The following USP45 variants were observed in gnomAD, a reference collection of about 807,000 sequenced individuals.
USP45 encodes ubiquitin specific peptidase 45.
USP45 carries 89 observed loss-of-function variants against 95.8 expected under a neutral mutation model. The ratio of observed to expected loss-of-function variants is 0.93; its 90% confidence interval spans 0.78 to 1.11. The LOEUF (loss-of-function observed/expected upper bound fraction) is 1.11, where lower values mean the gene tolerates loss of function less well. Ranked by LOEUF, USP45 falls within the 50% of genes least tolerant of loss-of-function variation. The pLI is 0.00. For missense variants in USP45, 898 were observed against 942.5 expected (o/e 0.95, Z 0.62); for synonymous variants, 281 against 316.2 (o/e 0.89, Z 1.18).
Position 99,476,106 on chromosome 6 carries a change from T to C in USP45, c.933+37A>G, listed in dbSNP as rs371882935. On this transcript the variant is annotated intron_variant, in intron 9 of 17. Coordinates refer to ENST00000500704, the MANE Select transcript of USP45 (RefSeq NM_001346022.3). ...AATCCCTTAGTTTTGTATCCTCTTC[T>C]TGAAGAGAATACATGATATACATAA... 1.1e-5 allele frequency: 18 copies of C among 1,572,340 alleles called. No homozygotes were observed. In the African/African-American group the frequency reaches 2.4e-4, roughly 21 times the overall value.
chr6:99,505,973 C>T (rs1412820607), intron 4 of USP45, among the ~76,000 whole-genome samples: 1 of 152,168 alleles, frequency 6.6e-6, no homozygotes, highest in East Asian at 1.9e-4. Flanking sequence ...GGTTCCAATG[C>T]ATCATTTATA....
intron 13 of USP45, among the ~76,000 whole-genome samples, chr6:99,454,401 A>G (rs1216767730): frequency 6.6e-6 from 1 of 152,190 alleles, no homozygotes; most frequent in Non-Finnish European, 1.5e-5. Context: ...TAGTCTAGGT[A>G]ATGATTTTAT....
chr6:99,481,044 T>C (rs996560496), intron 8 of USP45, among the ~76,000 whole-genome samples: 3 of 152,076 alleles, frequency 2.0e-5, no homozygotes, highest in African/African-American at 7.2e-5. Flanking sequence ...AATTCGACTA[T>C]GATTGGGCCA....
intron 6 of USP45, 87 bp downstream of exon 6, chr6:99,488,594 A>T: frequency 7.4e-7 from 1 of 1,355,012 alleles, no homozygotes; most frequent in Non-Finnish European, 1.0e-6. Flanking sequence ...AACATTTAGC[A>T]GTCATTTGAC....
intron 13 of USP45, 76 bp downstream of exon 13, chr6:99,464,528 T>G: frequency 6.7e-7 from 1 of 1,483,308 alleles, no homozygotes; most frequent in Non-Finnish European, 9.0e-7. Context: ...CTATGTTCTC[T>G]ACTTTTAGAT....
intron 8 of USP45, among the ~76,000 whole-genome samples, chr6:99,477,394 C>A (rs1206243980): frequency 1.3e-5 from 2 of 152,146 alleles, no homozygotes; most frequent in South Asian, 4.1e-4. Flanking sequence ...ACCTCCGCCT[C>A]CTGGGTTCAA....
chr6:99,481,916 GT>G (rs900125493), intron 8 of USP45, among the ~76,000 whole-genome samples: 2 of 152,090 alleles, frequency 1.3e-5, no homozygotes, highest in East Asian at 1.9e-4. Context: ...AATTTTGCAG[GT>G]TTTTTTGGTC....
At chr6:99,514,324 C>T (rs1800629239) in intron 1 of USP45, among the ~76,000 whole-genome samples, 3 of 152,120 alleles carry the variant, frequency 2.0e-5, no homozygotes, top group Admixed American at 2.0e-4. Flanking sequence ...GCAGGGAAGC[C>T]CATTAAAGAC....
chr6:99,467,954 A>C, intron 10 of USP45: 1 of 228,232 alleles, frequency 4.4e-6, no homozygotes, highest in South Asian at 5.6e-5. Flanking sequence ...CAGAATATAC[A>C]TTTAGGGCAA....
At chr6:99,449,930 A>G (rs1783472936) in intron 13 of USP45, among the ~76,000 whole-genome samples, 1 of 152,344 alleles carries the variant, frequency 6.6e-6, no homozygotes, top group South Asian at 2.1e-4. Flanking sequence ...CTGAATGACT[A>G]CTGGTTACAT....
intron 8 of USP45, among the ~76,000 whole-genome samples, chr6:99,479,601 C>CAAAAAAAAAAA (rs34635892): frequency 2.3e-4 from 27 of 116,878 alleles, no homozygotes; most frequent in East Asian, 4.9e-4. Context: ...TTCCAACAGA[C>CAAAAAAAAAAA]AAAAAAAAAA....
intron 10 of USP45, 95 bp downstream of exon 10, chr6:99,468,442 T>G (rs1038896017): frequency 6.2e-5 from 50 of 811,500 alleles, no homozygotes; most frequent in Non-Finnish European, 9.1e-5. Flanking sequence ...ACTACTTTGG[T>G]GGATTAGTTC....
At position 99,446,450 on chromosome 6, in the gene USP45, T is replaced by A. The variant is rs992967299; in HGVS notation, c.1322A>T (p.His441Leu). 7.4e-6 allele frequency: 12 copies of A among 1,611,838 alleles called. No homozygotes were observed. Among genetic ancestry groups the A allele is most frequent in the Non-Finnish European group, 8.5e-7 (1 of 1,179,408 alleles). Residue 441 changes from histidine to leucine, a missense_variant, in exon 14 of 18, where the codon CAT becomes CTT. By Grantham distance (99) the His-to-Leu change is moderately conservative. Coordinates refer to ENST00000500704, the MANE Select transcript of USP45 (RefSeq NM_001346022.3). ...CAATTTTCTAATACATTTTCGGTCA[T>A]GAATTAGTTGACTCTGTAAGTTGAC... ...SSSKDKSQLIHDRKCIRKLSS... is the reference protein window; with the variant it reads ...SSSKDKSQLILDRKCIRKLSS...
chr6:99,474,126 G>T (rs1242771737), intron 9 of USP45, among the ~76,000 whole-genome samples: 1 of 152,134 alleles, frequency 6.6e-6, no homozygotes, highest in East Asian at 1.9e-4. Context: ...GAAAATATTA[G>T]AACTCTAATT....
Position 99,488,781 on chromosome 6 carries a change from C to A in USP45, c.518G>T (p.Cys173Phe), listed in dbSNP as rs748041515. Residue 173 changes from cysteine (C) to phenylalanine (F), a missense_variant, in exon 6 of 18, where the codon TGT becomes TTT. Coordinates refer to ENST00000500704, the MANE Select transcript of USP45 (RefSeq NM_001346022.3). ...TCCCTTCTGTATTTCATCTGTTTCA[C>A]ATTTTTCTTCACAAAGTTTCATGAT... ...SRIMKLCEEKCETDEIQKGGK... is the reference protein window; with the variant it reads ...SRIMKLCEEKFETDEIQKGGK... 1 of 1,599,136 alleles carries A rather than the reference C, an allele frequency of 6.3e-7. No individual in the cohort carries two copies. The highest frequency in any genetic ancestry group is 8.5e-7 in the Non-Finnish European group (1 of 1,174,514).
rs553794598 is a variant in USP45 at position 99,456,914 on chromosome 6, T to C, written c.1308+7690A>G. ...ATGGGAGAAATATCGCTGAATTCTT[T>C]TTCTCAGCAAGGAACATACCTGAGA... On this transcript the variant is annotated intron_variant, in intron 13 of 17. Coordinates refer to ENST00000500704, the MANE Select transcript of USP45 (RefSeq NM_001346022.3). Among the ~76,000 whole-genome samples, 346 of 152,364 alleles carry C rather than the reference T, an allele frequency of 2.3e-3. 4 individuals are homozygous for C. Among genetic ancestry groups the C allele is most frequent in the African/African-American group, 8.0e-3 (331 of 41,586 alleles).
Position 99,496,119 on chromosome 6 carries a change from C to T in USP45, c.479-7299G>A, listed in dbSNP as rs73760076. Among the ~76,000 whole-genome samples the T allele has an allele frequency of 2.5e-3, 386 of 152,194 alleles. 1 individual carries two copies. The highest frequency in any genetic ancestry group is 9.1e-3 in the African/African-American group (377 of 41,540). On this transcript the variant is annotated intron_variant, in intron 5 of 17. Coordinates refer to ENST00000500704, the MANE Select transcript of USP45 (RefSeq NM_001346022.3). ...GCAAATTTCTTAGAAACATGACTGTCACTTTAGAGAACTGTATTACCTCTT... is the reference window on the plus strand; with the variant it reads ...GCAAATTTCTTAGAAACATGACTGTTACTTTAGAGAACTGTATTACCTCTT...
intron 8 of USP45, among the ~76,000 whole-genome samples, chr6:99,479,390 TAG>T (rs1247557790): frequency 3.3e-5 from 5 of 151,852 alleles, no homozygotes; most frequent in Admixed American, 2.6e-4. Context: ...TTTTTTTTCA[TAG>T]AGTCTCCCTA....
chr6:99,482,694 A>C (rs746613105), intron 8 of USP45, 59 bp downstream of exon 8: 19 of 1,467,490 alleles, frequency 1.3e-5, no homozygotes, highest in Non-Finnish European at 1.7e-5. Context: ...ATGTTAAATG[A>C]TGAATACATT....
Sources: gnomAD v4.1 joint callset for allele counts (sites outside exome capture counted in the v4.1 genomes callset) on GRCh38, gnomAD v4.1.1 for gene constraint, MANE v1.5 for transcripts, NCBI Gene and HGNC (gene_info 2026-07-23, HGNC 2026-07-21) for gene names.